CYP4F2: variants seen among roughly 807,000 people sequenced by gnomAD.
CYP4F2 encodes cytochrome P450 4F2.
A neutral mutation model predicts 58.9 loss-of-function variants in CYP4F2; 58 were observed. The observed-to-expected ratio is 0.98, with a 90% CI of 0.80 to 1.23. The LOEUF (loss-of-function observed/expected upper bound fraction) is 1.23, where lower values mean the gene tolerates loss of function less well. Ranked by LOEUF, CYP4F2 falls within the 50% of genes most tolerant of loss-of-function variation. CYP4F2 has a pLI of 0.00. For missense variants in CYP4F2, 616 were observed against 685.6 expected (o/e 0.90, Z 1.13); for synonymous variants, 287 against 261.1 (o/e 1.10, Z -0.95).
chr19:15,890,574 A>C (rs3093220), intron 5 of CYP4F2, 141 bp from the exon 6 acceptor site: 16,777 of 1,344,352 alleles, frequency 0.012, 151 homozygotes, highest in Non-Finnish European at 0.014. Context: ...GCACCAGGTT[A>C]TGGTGCAAAC....
Position 15,878,549 on chromosome 19 carries a change from A to G in CYP4F2, c.*222T>C. On this transcript the variant is annotated 3_prime_UTR_variant, in exon 13 of 13. Coordinates refer to ENST00000221700, the MANE Select transcript of CYP4F2 (RefSeq NM_001082.5). Reference sequence around the variant, plus strand: ...TTTGTTTATCCTTTCATCTGGTAATATATAGCTTGGGGTTGTTTTCATCGT... The same window carrying G: ...TTTGTTTATCCTTTCATCTGGTAATGTATAGCTTGGGGTTGTTTTCATCGT... The G allele has an allele frequency of 1.4e-6, 1 of 708,174 alleles. No individual in the cohort carries two copies. The highest frequency in any genetic ancestry group is 3.2e-5 in the Admixed American group (1 of 30,772). The allele number at this position is 708,174 out of a possible 1,614,324, so 43.9% of individuals were successfully genotyped here.
In CYP4F2 at chr19:15,891,378, C is replaced by T. The variant is rs150304675; in HGVS notation, c.525+931G>A. On this transcript the variant is annotated intron_variant, in intron 5 of 12. Coordinates refer to ENST00000221700, the MANE Select transcript of CYP4F2 (RefSeq NM_001082.5). ...TGCTGTCTGTGTCATGAGTAGTAAA[C>T]TATCCTTTGTCTCTGACCCAGGAGT... is the stretch of plus-strand genomic sequence containing the variant. 5.9e-3 allele frequency among the ~76,000 whole-genome samples: 898 copies of T among 152,242 alleles called. 11 individuals carry two copies. Among genetic ancestry groups the T allele is most frequent in the African/African-American group, 0.021 (872 of 41,526 alleles).
In CYP4F2 at chr19:15,886,277, T is replaced by C. The variant is rs1279395586; in HGVS notation, c.950A>G (p.Asp317Gly). 6.2e-7 allele frequency: 1 copy of C among 1,613,954 alleles called. No individual in the cohort carries two copies. The highest frequency in any genetic ancestry group is 8.5e-7 in the Non-Finnish European group (1 of 1,179,984). The change falls in exon 8 of 13, where the codon GAC (aspartate) becomes GGC (glycine). Residue 317 changes from aspartate (D) to glycine (G), a missense_variant. Physicochemically the swap from Asp to Gly is moderately conservative, Grantham distance 94. Coordinates refer to ENST00000221700, the MANE Select transcript of CYP4F2 (RefSeq NM_001082.5). The stretch of plus-strand genomic sequence containing the variant: ...AAAGGTGTCAGCTTCTGCTCTTATG[T>C]CCTCATCAGATAACTTCTTCCCGTC... The part of the protein sequence containing the change: ...DEDGKKLSDE[D>G]IRAEADTFMF...
chr19:15,889,510 A>T lies in CYP4F2; in HGVS notation c.831T>A (p.Thr277=). The T allele has an allele frequency of 6.2e-7, 1 of 1,614,164 alleles. No homozygotes were observed. Among genetic ancestry groups the T allele is most frequent in the Non-Finnish European group, 8.5e-7 (1 of 1,180,038 alleles). ...AGTCATCAACACCCTGGCTAGGGAG[A>T]GTGCGGCGCCGCTCCTGGATGACGG... ...TDAVIQERRR[T]LPSQGVDDFL... The change falls in exon 7 of 13, where the codon ACT becomes ACA. Residue 277 remains threonine (T), a synonymous_variant. Transcript: ENST00000221700.
At chr19:15,891,743 A>G (rs889850673) in intron 5 of CYP4F2, among the ~76,000 whole-genome samples, 2 of 152,138 alleles carry the variant, frequency 1.3e-5, no homozygotes, top group African/African-American at 4.8e-5. Context: ...GAAGGAGACA[A>G]TCATAGGGAG....
In CYP4F2 at chr19:15,878,790, C is replaced by T. The variant is rs866736048; in HGVS notation, c.1544G>A (p.Arg515Gln). 5 of 1,613,500 alleles carry T rather than the reference C, an allele frequency of 3.1e-6. No homozygotes were observed. The highest frequency in any genetic ancestry group is 1.3e-5 in the African/African-American group (1 of 75,038). ...CAGAACTCAGCTCAGGGGCTCCACC[C>T]GCAGCCAAAGTCCGCCCTCTGCGCG... ...VLRAEGGLWL[R>Q]VEPLS Residue 515 changes from arginine to glutamine, a missense_variant, in exon 13 of 13, where the codon CGG (arginine) becomes CAG (glutamine). Physicochemically the swap from Arg to Gln is conservative, Grantham distance 43. Transcript: ENST00000221700.
At chr19:15,881,642 A>C (rs2089346002) in intron 9 of CYP4F2, among the ~76,000 whole-genome samples, 1 of 152,076 alleles carries the variant, frequency 6.6e-6, no homozygotes, top group South Asian at 2.1e-4. Flanking sequence ...TTGGAGAATG[A>C]GAAAGGATTA....
chr19:15,885,211 T>C (rs1243222715), intron 9 of CYP4F2, among the ~76,000 whole-genome samples: 1 of 151,674 alleles, frequency 6.6e-6, no homozygotes, highest in Non-Finnish European at 1.5e-5. Flanking sequence ...CTGTACCCAA[T>C]TATCTACTGA....
At position 15,889,823 on chromosome 19, in the gene CYP4F2, T is replaced by C. The variant is rs926683830; in HGVS notation, c.648-130A>G. 9 of 1,339,898 alleles carry C rather than the reference T, an allele frequency of 6.7e-6. No homozygotes were observed. In the Admixed American group the frequency reaches 8.4e-5, roughly 12 times the overall value. 83.0% of individuals were successfully genotyped at this position (1,339,898 alleles called of 1,614,324 possible). On this transcript the variant is annotated intron_variant, in intron 6 of 12. Coordinates refer to ENST00000221700, the MANE Select transcript of CYP4F2 (RefSeq NM_001082.5). The stretch of plus-strand genomic sequence containing the variant: ...ATCCAGGAACAGATGACCCCACAGA[T>C]ACAGGGTGGGGATCAGCATGAGATT...
At position 15,879,825 on chromosome 19, in the gene CYP4F2, C is replaced by T. The variant is rs781556157; in HGVS notation, c.1188G>A (p.Pro396=). The T allele has an allele frequency of 3.8e-5, 61 of 1,613,956 alleles. No individual in the cohort carries two copies. Among genetic ancestry groups the T allele is most frequent in the Non-Finnish European group, 4.8e-5 (57 of 1,180,016 alleles). ...CCTGGGTGACATGGCGGGAGATGAC[C>T]GGGACTGGGGGATGCAGCCGCAGGC... The part of the protein sequence containing the change: ...KESLRLHPPV[P]VISRHVTQDI... Residue 396 remains proline (P), a synonymous_variant, in exon 10 of 13, where the codon CCG becomes CCA. Transcript: ENST00000221700.
chr19:15,896,288 C>T (rs1466157027), intron 2 of CYP4F2, among the ~76,000 whole-genome samples: 3 of 151,226 alleles, frequency 2.0e-5, no homozygotes, highest in Non-Finnish European at 4.4e-5. Context: ...ATTCCTCCTG[C>T]TCTATCTATC....
intron 2 of CYP4F2, 21 bp downstream of exon 2, chr19:15,897,393 C>T: frequency 6.2e-7 from 1 of 1,612,504 alleles, no homozygotes; most frequent in Middle Eastern, 1.7e-4. Context: ...AGACCTAGAC[C>T]CATCCTGCTG....
intron 5 of CYP4F2, among the ~76,000 whole-genome samples, chr19:15,892,099 C>T (rs1306774816): frequency 6.6e-6 from 1 of 152,186 alleles, no homozygotes; most frequent in Non-Finnish European, 1.5e-5. Context: ...TGGGCACCTG[C>T]TATGCACCAG....
At chr19:15,890,917 A>G (rs932373596) in intron 5 of CYP4F2, among the ~76,000 whole-genome samples, 9 of 152,176 alleles carry the variant, frequency 5.9e-5, no homozygotes, top group Non-Finnish European at 7.3e-5. Context: ...ATCAAATTAG[A>G]CAATACATAC....
chr19:15,881,110 A>G (rs1421796910), intron 9 of CYP4F2, among the ~76,000 whole-genome samples: 2 of 152,216 alleles, frequency 1.3e-5, no homozygotes, highest in Non-Finnish European at 2.9e-5. Flanking sequence ...CACACGATGG[A>G]ATACTATACA....
At chr19:15,897,773 C>G in intron 1 of CYP4F2, 161 bp from the exon 2 acceptor site, 1 of 801,244 alleles carries the variant, frequency 1.2e-6, no homozygotes, top group Non-Finnish European at 1.9e-6. Flanking sequence ...CCAGAAAGGC[C>G]CAACCAAAAC....
intron 7 of CYP4F2, among the ~76,000 whole-genome samples, chr19:15,888,021 CAGATAT>C (rs142164960): frequency 0.65 from 97,577 of 149,078 alleles, 32,154 homozygotes; most frequent in South Asian, 0.7. Flanking sequence ...GACATAGACA[CAGATAT>C]AGATATAGAC....
rs146568548 is a variant in CYP4F2 at position 15,890,363 on chromosome 19, G to A, written c.596C>T (p.Thr199Ile). The A allele has an allele frequency of 1.2e-6, 2 of 1,614,138 alleles. No individual in the cohort carries two copies. Among genetic ancestry groups the A allele is most frequent in the Non-Finnish European group, 1.7e-6 (2 of 1,180,020 alleles). ...GACACATTTCTGTAGACTGTCCAAGGTCATGAGGCTGATGTGCTCAAACAT... is the reference window on the plus strand; with the variant it reads ...GACACATTTCTGTAGACTGTCCAAGATCATGAGGCTGATGTGCTCAAACAT... ...LDMFEHISLMTLDSLQKCVFS... is the reference protein window; with the variant it reads ...LDMFEHISLMILDSLQKCVFS... The change falls in exon 6 of 13, where the codon ACC (threonine) becomes ATC (isoleucine). Residue 199 changes from threonine (T) to isoleucine (I), a missense_variant. Thr to Ile is a moderately conservative substitution (Grantham distance 89, BLOSUM62 -1). Transcript: ENST00000221700.
chr19:15,879,745 C>T lies in CYP4F2; in HGVS notation c.1249+19G>A, dbSNP rs1435428496. 6.2e-7 allele frequency: 1 copy of T among 1,613,864 alleles called. No individual in the cohort carries two copies. The highest frequency in any genetic ancestry group is 8.5e-7 in the Non-Finnish European group (1 of 1,179,870). On this transcript the variant is annotated intron_variant, in intron 10 of 12. Coordinates refer to ENST00000221700, the MANE Select transcript of CYP4F2 (RefSeq NM_001082.5). ...CCTCTTCCTACCCAGGAGACTCCTC[C>T]CCGTGAGGCTGTGAGCACCTTTGGG... is the stretch of plus-strand genomic sequence containing the variant.
Sources: gnomAD v4.1 joint callset for allele counts (sites outside exome capture counted in the v4.1 genomes callset) on GRCh38, gnomAD v4.1.1 for gene constraint, MANE v1.5 for transcripts, NCBI Gene and HGNC (gene_info 2026-07-23, HGNC 2026-07-21) for gene names.